Variants in CARM1 observed in about 807,000 individuals in gnomAD.
CARM1 encodes the protein histone-arginine methyltransferase CARM1.
CARM1 carries 14 observed loss-of-function variants against 72.7 expected under a neutral mutation model. The ratio of observed to expected loss-of-function variants is 0.19; its 90% CI spans 0.13 to 0.30. The LOEUF (loss-of-function observed/expected upper bound fraction) is 0.30. Among genes scored for constraint, CARM1 ranks in the 10% least tolerant of loss-of-function variants. The probability of loss-of-function intolerance (pLI) is 1.00; values close to 1 mark genes in which losing one functional copy is unlikely to be tolerated. For missense variants in CARM1, 432 were observed against 833.7 expected (o/e 0.52, Z 5.93); for synonymous variants, 333 against 345.5 (o/e 0.96, Z 0.40).
At chr19:10,893,176 T>C (rs951086619) in intron 1 of CARM1, among the ~76,000 whole-genome samples, 1 of 151,508 alleles carries the variant, frequency 6.6e-6, no homozygotes, top group Non-Finnish European at 1.5e-5. Flanking sequence ...TTGCTGGGAT[T>C]ACAGGCATGT....
chr19:10,882,831 C>T (rs2073912339), intron 1 of CARM1, among the ~76,000 whole-genome samples: 1 of 152,144 alleles, frequency 6.6e-6, no homozygotes, highest in Admixed American at 6.5e-5. Flanking sequence ...ACATGAGCCA[C>T]CGTGCCCGAC....
At chr19:10,887,443 G>A (rs1324970753) in intron 1 of CARM1, among the ~76,000 whole-genome samples, 2 of 152,298 alleles carry the variant, frequency 1.3e-5, no homozygotes, top group African/African-American at 2.4e-5. Context: ...GGCGGAAGGC[G>A]GCCTTCCTAA....
chr19:10,909,360 G>A (rs1257750790), intron 4 of CARM1, among the ~76,000 whole-genome samples, 153 bp downstream of exon 4: 2 of 152,120 alleles, frequency 1.3e-5, no homozygotes, highest in East Asian at 3.8e-4. Context: ...CAGTCCATGA[G>A]TTTGAGGCTG....
chr19:10,891,767 G>A (rs564004415), intron 1 of CARM1, among the ~76,000 whole-genome samples: 9 of 152,364 alleles, frequency 5.9e-5, no homozygotes, highest in East Asian at 1.9e-4. Context: ...TCAGGAGGGT[G>A]TAACATGAAA....
intron 4 of CARM1, among the ~76,000 whole-genome samples, chr19:10,911,436 C>T (rs974485967): frequency 6.6e-6 from 1 of 152,194 alleles, no homozygotes; most frequent in Admixed American, 6.5e-5. Flanking sequence ...GAAGGACGTC[C>T]TCCGTTGGTG....
chr19:10,921,755 T>C lies in CARM1; in HGVS notation c.1825T>C (p.Ter609GlnextTer58). Residue 609 changes from the stop codon to glutamine, a stop_lost, in exon 16 of 16, where the codon TAG becomes CAG. Transcript: ENST00000327064. ...IPTNTMHYGS[*>Q] ...GACCAACACCATGCACTACGGGAGC[T>C]AGGGGCCCGCCCCGCGGACTGACAG... 6.3e-7 allele frequency: 1 copy of C among 1,593,848 alleles called. No homozygotes were observed. The highest frequency in any genetic ancestry group is 8.6e-7 in the Non-Finnish European group (1 of 1,167,060).
chr19:10,900,009 C>G (rs2074052802), intron 1 of CARM1, among the ~76,000 whole-genome samples: 1 of 152,112 alleles, frequency 6.6e-6, no homozygotes, highest in African/African-American at 2.4e-5. Flanking sequence ...GCCACCACGC[C>G]TGGCCCATTT....
In CARM1 at chr19:10,907,197, G is replaced by A. The variant is rs141038298; in HGVS notation, c.347-842G>A. ...GCTAGGATTACAGGCATAAGCCACC[G>A]TGCCCGGCTTATTATTTCTTGTAGA... On this transcript the variant is annotated intron_variant, in intron 2 of 15. Coordinates refer to ENST00000327064, the MANE Select transcript of CARM1 (RefSeq NM_199141.2). Among the ~76,000 whole-genome samples, 95 of 151,928 alleles carry A rather than the reference G, an allele frequency of 6.3e-4. 1 individual carries two copies. Among genetic ancestry groups the A allele is most frequent in the African/African-American group, 1.8e-3 (74 of 41,432 alleles).
intron 15 of CARM1, 59 bp from the exon 16 acceptor site, chr19:10,921,556 C>T: frequency 1.3e-6 from 2 of 1,577,304 alleles, no homozygotes; most frequent in African/African-American, 1.3e-5. Flanking sequence ...CTCTCTGTGA[C>T]TCTGCCTGGG....
At chr19:10,885,887 C>T in intron 1 of CARM1, among the ~76,000 whole-genome samples, 1 of 100,836 alleles carries the variant, frequency 9.9e-6, no homozygotes, top group Non-Finnish European at 2.2e-5. Context: ...CTCACTCCCT[C>T]ATTTTTTTTT....
chr19:10,890,386 G>A (rs963492177), intron 1 of CARM1, among the ~76,000 whole-genome samples: 7 of 150,878 alleles, frequency 4.6e-5, no homozygotes, highest in African/African-American at 1.5e-4. Context: ...TCCTGTCTTA[G>A]CCTCCCAAGT....
chr19:10,919,931 G>A lies in CARM1; in HGVS notation c.1161G>A (p.Leu387=). 1 of 1,614,182 alleles carries A rather than the reference G, an allele frequency of 6.2e-7. No homozygotes were observed. Among genetic ancestry groups the A allele is most frequent in the Non-Finnish European group, 8.5e-7 (1 of 1,180,024 alleles). Reference sequence around the variant, plus strand: ...TGCATTCAGGGCTGGTCCACGGCCTGGCTTTCTGGTTTGACGTTGCTTTCA... The same window carrying A: ...TGCATTCAGGGCTGGTCCACGGCCTAGCTTTCTGGTTTGACGTTGCTTTCA... ...HMLHSGLVHG[L]AFWFDVAFIG... is the part of the protein sequence containing the mutation. The change falls in exon 10 of 16, where the codon CTG becomes CTA. Residue 387 remains leucine (L), a synonymous_variant. Transcript: ENST00000327064.
chr19:10,902,352 G>T (rs7258995), intron 1 of CARM1, among the ~76,000 whole-genome samples: 3 of 140,140 alleles, frequency 2.1e-5, no homozygotes, highest in Admixed American at 7.5e-5. Flanking sequence ...GGAGTACAGT[G>T]GTGTGATCTT....
At chr19:10,903,286 A>G (rs1175240309) in intron 1 of CARM1, among the ~76,000 whole-genome samples, 1 of 152,160 alleles carries the variant, frequency 6.6e-6, no homozygotes, top group Non-Finnish European at 1.5e-5. Flanking sequence ...AAAATTTGAA[A>G]TTGAGACATG....
At chr19:10,901,731 T>C (rs966129629) in intron 1 of CARM1, among the ~76,000 whole-genome samples, 2 of 151,728 alleles carry the variant, frequency 1.3e-5, no homozygotes, top group Admixed American at 6.6e-5. Context: ...CACACGAGGC[T>C]AGGACTTCAA....
intron 1 of CARM1, among the ~76,000 whole-genome samples, chr19:10,899,723 CTT>C (rs1354982354): frequency 1.1e-4 from 15 of 141,906 alleles, no homozygotes; most frequent in Admixed American, 1.4e-4. Flanking sequence ...TTTTCTTTTT[CTT>C]TTTTTTTTTT....
chr19:10,881,962 C>G (rs2073905198), intron 1 of CARM1, among the ~76,000 whole-genome samples: 1 of 151,860 alleles, frequency 6.6e-6, no homozygotes, highest in Non-Finnish European at 1.5e-5. Context: ...TTAAAACAAG[C>G]TGAGGGGCTC....
chr19:10,921,926 C>A lies in CARM1; in HGVS notation c.*169C>A, dbSNP rs569107942. On this transcript the variant is annotated 3_prime_UTR_variant, in exon 16 of 16. Coordinates refer to ENST00000327064, the MANE Select transcript of CARM1 (RefSeq NM_199141.2). The stretch of plus-strand genomic sequence containing the variant: ...TTACACGATGTTGCCGCCGTCCCCA[C>A]CCTAACCCCCACCTCCCGGCCCTGA... 5.8e-4 allele frequency: 366 copies of A among 629,282 alleles called. 1 individual carries two copies. Among genetic ancestry groups the A allele is most frequent in the Non-Finnish European group, 6.7e-4 (252 of 375,492 alleles). The allele number at this position is 629,282 out of a possible 1,614,324, so 39.0% of individuals were successfully genotyped here.
At position 10,888,126 on chromosome 19, in the gene CARM1, T is replaced by G. The variant is rs187052822; in HGVS notation, c.220+16204T>G. ...GGGCCTCCTGCTGGCCTAGTCCCCA[T>G]AGAGAGCTGCAGCCCAGCTCCTGCC... On this transcript the variant is annotated intron_variant, in intron 1 of 15. Coordinates refer to ENST00000327064, the MANE Select transcript of CARM1 (RefSeq NM_199141.2). 9.3e-4 allele frequency among the ~76,000 whole-genome samples: 141 copies of G among 152,276 alleles called. 1 individual carries two copies. In the East Asian group the frequency reaches 0.02, roughly 21 times the overall value.
Sources: allele counts gnomAD v4.1 joint callset (sites outside exome capture counted in the v4.1 genomes callset), GRCh38; gene constraint gnomAD v4.1.1; transcripts MANE v1.5; gene names NCBI Gene and HGNC (gene_info 2026-07-23, HGNC 2026-07-21).